Variants in RBFOX1 observed in about 807,000 individuals in gnomAD.
RBFOX1 encodes the protein RNA binding protein fox-1 homolog 1.
In RBFOX1, 8 loss-of-function variants were observed where a neutral mutation model predicts 57.7. That is an observed-to-expected ratio of 0.14 (90% confidence interval 0.08 to 0.25). The LOEUF (loss-of-function observed/expected upper bound fraction) is 0.25, where lower values mean the gene tolerates loss of function less well. RBFOX1 is among the 10% of genes least tolerant of loss of function. The pLI is 1.00. For missense variants in RBFOX1, 611 were observed against 548.5 expected (o/e 1.11, Z -1.14); for synonymous variants, 326 against 222.4 (o/e 1.47, Z -4.15).
intron 3 of RBFOX1, among the ~76,000 whole-genome samples, chr16:5,711,162 G>T (rs1379158521): frequency 1.3e-5 from 2 of 152,312 alleles, no homozygotes; most frequent in African/African-American, 2.4e-5. Context: ...ATTTGATGTA[G>T]TAAACACTTA....
chr16:6,673,415 G>C (rs751476246), intron 3 of RBFOX1, among the ~76,000 whole-genome samples: 2 of 151,994 alleles, frequency 1.3e-5, no homozygotes, highest in Admixed American at 6.6e-5. Flanking sequence ...TGGCAAAACC[G>C]CATCTCTACT....
intron 2 of RBFOX1, among the ~76,000 whole-genome samples, chr16:6,405,872 A>G (rs1470176644): frequency 2.0e-5 from 3 of 152,232 alleles, no homozygotes; most frequent in African/African-American, 4.8e-5. Context: ...AACTTCTATT[A>G]CAAAATGCAA....
At chr16:6,046,860 A>G (rs113903658) in intron 1 of RBFOX1, among the ~76,000 whole-genome samples, 53 of 152,302 alleles carry the variant, frequency 3.5e-4, no homozygotes, top group Non-Finnish European at 7.2e-4. Context: ...CATTGTGAGG[A>G]AACAGATATT....
chr16:6,580,589 A>T (rs72633301), intron 2 of RBFOX1, among the ~76,000 whole-genome samples: 6 of 47,272 alleles, frequency 1.3e-4, no homozygotes, highest in East Asian at 1.6e-3. Flanking sequence ...GAAATGTCAC[A>T]GGGGGGGATG....
intron 3 of RBFOX1, among the ~76,000 whole-genome samples, chr16:5,648,014 T>G (rs1596577922): frequency 6.6e-6 from 1 of 152,086 alleles, no homozygotes; most frequent in Non-Finnish European, 1.5e-5. Context: ...CATGCAGCAC[T>G]GTCCCTGATT....
chr16:6,847,825 C>T (rs866753689), intron 3 of RBFOX1, among the ~76,000 whole-genome samples: 3 of 152,018 alleles, frequency 2.0e-5, no homozygotes, highest in Non-Finnish European at 2.9e-5. Flanking sequence ...ATTATTCCCA[C>T]CAAGACTTCC....
chr16:7,028,879 A>G (rs1027911113), intron 3 of RBFOX1, among the ~76,000 whole-genome samples: 5 of 151,060 alleles, frequency 3.3e-5, no homozygotes, highest in African/African-American at 1.2e-4. Flanking sequence ...GTGGGAATCC[A>G]AGCTCTGCCA....
At position 7,276,018 on chromosome 16, in the gene RBFOX1, CA is replaced by C. The variant is rs373906989; in HGVS notation, c.27+223921del. ...GATTACACACTGCCTAAATTTCACT[CA>C]GAAAAACATGATAGAGATCATTTCT... On this transcript the variant is annotated intron_variant, in intron 4 of 15. Transcript: ENST00000550418. 4.0e-4 allele frequency among the ~76,000 whole-genome samples: 61 copies of C among 152,274 alleles called. 1 individual carries two copies. The East Asian group carries it at 0.01, about 25-fold the overall frequency.
At chr16:7,646,381 G>A (rs1330838506) in intron 11 of RBFOX1, among the ~76,000 whole-genome samples, 1 of 152,204 alleles carries the variant, frequency 6.6e-6, no homozygotes, top group Non-Finnish European at 1.5e-5. Flanking sequence ...TCAACCCGCT[G>A]TTGAAAGCAC....
rs1473517727 is a variant in RBFOX1 at position 5,908,083 on chromosome 16, TATACACATATATAC to T, written c.351+40750_351+40763del. On this transcript the variant is annotated intron_variant, in intron 4 of 19. Transcript: ENST00000641259. ...GTATGTGTGTATGTATATATATATA[TATACACATATATAC>T]ACATATATATATACACATATATACA... 3.2e-4 allele frequency among the ~76,000 whole-genome samples: 41 copies of T among 126,598 alleles called. 1 individual carries two copies. Among genetic ancestry groups the T allele is most frequent in the African/African-American group, 1.1e-3 (37 of 32,702 alleles). 83.1% of individuals were successfully genotyped at this position (126,598 alleles called of 152,430 possible). A position where few individuals can be genotyped will look rare whatever the true frequency, so the allele number is the denominator to read the frequency against.
chr16:5,980,174 G>A (rs2060143984), intron 4 of RBFOX1, among the ~76,000 whole-genome samples: 1 of 152,204 alleles, frequency 6.6e-6, no homozygotes, highest in Non-Finnish European at 1.5e-5. Context: ...TTAGCTTCGG[G>A]CATAAAGGTC....
chr16:5,279,052 T>C (rs1231145027), intron 1 of RBFOX1, among the ~76,000 whole-genome samples: 9 of 152,194 alleles, frequency 5.9e-5, no homozygotes, highest in Non-Finnish European at 5.9e-5. Context: ...TTTTGCTCAG[T>C]ATTGCTTTGG....
intron 2 of RBFOX1, among the ~76,000 whole-genome samples, chr16:6,401,796 A>G (rs1052709929): frequency 2.6e-5 from 4 of 152,286 alleles, no homozygotes; most frequent in Admixed American, 1.3e-4. Flanking sequence ...TATTTAAAAT[A>G]GAAAATGATT....
intron 4 of RBFOX1, among the ~76,000 whole-genome samples, chr16:7,453,645 G>C (rs1396167474): frequency 1.3e-5 from 2 of 151,900 alleles, no homozygotes; most frequent in Non-Finnish European, 2.9e-5. Context: ...TATAGAGGAT[G>C]TGTAAAACAT....
chr16:5,808,874 A>C (rs4485371), intron 3 of RBFOX1, among the ~76,000 whole-genome samples: 23 of 151,932 alleles, frequency 1.5e-4, no homozygotes, highest in African/African-American at 5.6e-4. Context: ...AACAGGGACA[A>C]TTTGACTCCC....
chr16:6,584,000 T>TA (rs1269084584), intron 2 of RBFOX1, among the ~76,000 whole-genome samples: 1 of 110,562 alleles, frequency 9.0e-6, no homozygotes. Context: ...ACAACAACAT[T>TA]TAAAAAAAAA....
chr16:5,752,089 A>G (rs985459519), intron 3 of RBFOX1, among the ~76,000 whole-genome samples: 2 of 152,144 alleles, frequency 1.3e-5, no homozygotes, highest in Non-Finnish European at 2.9e-5. Flanking sequence ...CTATCCAGCC[A>G]TAAAAAAAAG....
intron 3 of RBFOX1, among the ~76,000 whole-genome samples, chr16:7,039,004 A>T (rs1352142848): frequency 6.6e-6 from 1 of 151,216 alleles, no homozygotes; most frequent in Non-Finnish European, 1.5e-5. Context: ...GACTCTCTTG[A>T]TATAAGTACC....
At chr16:5,855,578 C>G (rs1244438750) in intron 3 of RBFOX1, among the ~76,000 whole-genome samples, 4 of 152,086 alleles carry the variant, frequency 2.6e-5, no homozygotes, top group Admixed American at 6.6e-5. Context: ...TTCCATTGGT[C>G]TTTATGTCTG....
Sources: gnomAD v4.1 joint callset for allele counts (sites outside exome capture counted in the v4.1 genomes callset) on GRCh38, gnomAD v4.1.1 for gene constraint, MANE v1.5 for transcripts, NCBI Gene and HGNC (gene_info 2026-07-23, HGNC 2026-07-21) for gene names.